TMEM132E: variants seen among roughly 807,000 people sequenced by gnomAD.
TMEM132E encodes the protein transmembrane protein 132E.
TMEM132E carries 49 observed loss-of-function variants against 78.5 expected under a neutral mutation model. The ratio of observed to expected loss-of-function variants is 0.62; its 90% CI spans 0.50 to 0.79. The LOEUF (loss-of-function observed/expected upper bound fraction) is 0.79, where lower values mean the gene tolerates loss of function less well. TMEM132E is among the 30% of genes least tolerant of loss of function. The probability of loss-of-function intolerance (pLI) is 0.00; values close to 1 mark genes in which losing one functional copy is unlikely to be tolerated. For synonymous variants in TMEM132E, 715 were observed against 670.6 expected, an observed-to-expected ratio of 1.07 and a Z score of -1.02; for missense variants, 1,403 against 1,470.9, an observed-to-expected ratio of 0.95 and a Z score of 0.75.
At chr17:34,603,690 G>T (rs575788831) in intron 1 of TMEM132E, among the ~76,000 whole-genome samples, 25 of 152,128 alleles carry the variant, frequency 1.6e-4, no homozygotes, top group Non-Finnish European at 1.5e-5. Flanking sequence ...TTCCCCCTGG[G>T]TGTTCCTGTC....
chr17:34,585,659 C>T (rs905346041), intron 1 of TMEM132E, among the ~76,000 whole-genome samples: 6 of 152,232 alleles, frequency 3.9e-5, no homozygotes, highest in Admixed American at 6.5e-5. Flanking sequence ...GATTCCATCA[C>T]CTCTACTATC....
At chr17:34,624,954 T>C (rs985607574) in intron 1 of TMEM132E, among the ~76,000 whole-genome samples, 1 of 152,074 alleles carries the variant, frequency 6.6e-6, no homozygotes, top group Non-Finnish European at 1.5e-5. Flanking sequence ...ACTCGGGAGG[T>C]TCTTGGGGAG....
intron 1 of TMEM132E, among the ~76,000 whole-genome samples, chr17:34,598,630 A>T (rs1219748736): frequency 6.6e-6 from 1 of 152,048 alleles, no homozygotes; most frequent in Non-Finnish European, 1.5e-5. Context: ...TCCTCCCTGC[A>T]CTCCCTTTGA....
At chr17:34,620,491 A>G (rs936308802) in intron 1 of TMEM132E, among the ~76,000 whole-genome samples, 2 of 152,232 alleles carry the variant, frequency 1.3e-5, no homozygotes, top group African/African-American at 4.8e-5. Flanking sequence ...GTGTACACCA[A>G]TATCCCAGTT....
rs1413783929 is a variant in TMEM132E, at chr17:34,579,833, C to A, written c.-1244C>A. The A allele has an allele frequency of 6.6e-6, 1 of 152,224 alleles. No individual in the cohort carries two copies. The highest frequency in any genetic ancestry group is 2.4e-5 in the African/African-American group (1 of 41,456). 9.4% of individuals were successfully genotyped at this position (152,224 alleles called of 1,614,324 possible). On this transcript the variant is annotated 5_prime_UTR_variant, in exon 1 of 9. Coordinates refer to ENST00000631683, the MANE Select transcript of TMEM132E (RefSeq NM_001304438.2). ...TGCCGGCTGCCCTGGCCCCTGGCGC[C>A]GCGCCCGCGTCTCACCGCCCGCAGC...
chr17:34,627,467 C>CGTGTGCGTGT (rs146318983), intron 2 of TMEM132E, among the ~76,000 whole-genome samples: 5 of 126,470 alleles, frequency 4.0e-5, no homozygotes, highest in African/African-American at 1.5e-4. Context: ...CCAAAAGAAT[C>CGTGTGCGTGT]GTGTGTGTGT....
At chr17:34,603,751 T>A (rs1273428501) in intron 1 of TMEM132E, among the ~76,000 whole-genome samples, 3 of 152,190 alleles carry the variant, frequency 2.0e-5, no homozygotes, top group Non-Finnish European at 4.4e-5. Context: ...TCCTCTGCAG[T>A]GCCTGCCACC....
intron 1 of TMEM132E, among the ~76,000 whole-genome samples, chr17:34,592,703 TCC>T (rs1905915926): frequency 6.6e-6 from 1 of 152,226 alleles, no homozygotes; most frequent in Non-Finnish European, 1.5e-5. Flanking sequence ...AGTTATGCAC[TCC>T]GCCTGACACT....
intron 1 of TMEM132E, among the ~76,000 whole-genome samples, chr17:34,610,933 G>C (rs1352714575): frequency 6.6e-6 from 1 of 152,214 alleles, no homozygotes; most frequent in East Asian, 1.9e-4. Flanking sequence ...GTGGATGTGT[G>C]ATTTAGTGTG....
chr17:34,629,816 G>A (rs1431201664), intron 4 of TMEM132E, among the ~76,000 whole-genome samples, 192 bp from the exon 5 acceptor site: 2 of 152,150 alleles, frequency 1.3e-5, no homozygotes, highest in Admixed American at 1.3e-4. Flanking sequence ...AAAAGCCCGA[G>A]TGAGCAGACC....
intron 1 of TMEM132E, among the ~76,000 whole-genome samples, chr17:34,581,689 C>T (rs1905488668): frequency 6.6e-6 from 1 of 151,968 alleles, no homozygotes; most frequent in Non-Finnish European, 1.5e-5. Context: ...GTCCTGTGAG[C>T]TGCATCTAAA....
At chr17:34,592,835 T>G (rs938279565) in intron 1 of TMEM132E, among the ~76,000 whole-genome samples, 6 of 152,046 alleles carry the variant, frequency 3.9e-5, no homozygotes, top group African/African-American at 1.2e-4. Context: ...GTCCCCCACC[T>G]CCCCACATTC....
chr17:34,625,162 G>A (rs148466874), intron 1 of TMEM132E, among the ~76,000 whole-genome samples: 60 of 152,332 alleles, frequency 3.9e-4, no homozygotes, highest in Non-Finnish European at 5.7e-4. Flanking sequence ...GTGGTATGTC[G>A]TCATAGCGAC....
Position 34,638,024 on chromosome 17 carries a change from C to A in TMEM132E, c.3017C>A (p.Pro1006His). 1 of 1,577,164 alleles carries A rather than the reference C, an allele frequency of 6.3e-7. No homozygotes were observed. Among genetic ancestry groups the A allele is most frequent in the East Asian group, 2.3e-5 (1 of 43,148 alleles). Residue 1006 changes from proline to histidine, a missense_variant, in exon 9 of 9, where the codon CCC becomes CAC. Around this residue, in one of 3 missense-constraint regions of TMEM132E, gnomAD observed 888 missense variants for 952.8 expected, o/e 0.93. Coordinates refer to ENST00000631683, the MANE Select transcript of TMEM132E (RefSeq NM_001304438.2). ...CAAGCCGAGGACCCCGCCAGCTCGC[C>A]CACCTCCAAGCGCAAGCGGGTCAAG... The part of the protein sequence containing the change: ...RDQAEDPASS[P>H]TSKRKRVKFT...
At chr17:34,607,307 G>A (rs1204314631) in intron 1 of TMEM132E, among the ~76,000 whole-genome samples, 2 of 152,244 alleles carry the variant, frequency 1.3e-5, no homozygotes, top group African/African-American at 4.8e-5. Context: ...AGGGGAGACA[G>A]ACATGGCAAC....
At chr17:34,610,211 CCT>C (rs1302604659) in intron 1 of TMEM132E, among the ~76,000 whole-genome samples, 2 of 152,228 alleles carry the variant, frequency 1.3e-5, no homozygotes, top group Non-Finnish European at 2.9e-5. Flanking sequence ...GTCTGATCTC[CCT>C]GTTAGCCGGC....
Position 34,637,522 on chromosome 17 carries a change from G to T in TMEM132E, c.2515G>T (p.Ala839Ser), listed in dbSNP as rs772406178. The T allele has an allele frequency of 3.1e-6, 5 of 1,601,392 alleles. No homozygotes were observed. Among genetic ancestry groups the T allele is most frequent in the African/African-American group, 1.3e-5 (1 of 74,762 alleles). ...AGGGCCCGGCGGGGGCGAGGACGAG[G>T]CCCGGGGAGCTGGCCCGCCGGGCTC... is the stretch of plus-strand genomic sequence containing the variant. ...QPGPGGGEDE[A>S]RGAGPPGSAL... The change falls in exon 9 of 9, where the codon GCC (alanine) becomes TCC (serine). Residue 839 changes from alanine (A) to serine (S), a missense_variant. Physicochemically the swap from Ala to Ser is moderately conservative, Grantham distance 99. Around this residue, in one of 3 missense-constraint regions of TMEM132E, gnomAD observed 888 missense variants for 952.8 expected, o/e 0.93. Transcript: ENST00000631683.
rs749658557 is a variant in TMEM132E at position 34,626,136 on chromosome 17, G to C, written c.77G>C (p.Arg26Pro). Residue 26 changes from arginine (R) to proline (P), a missense_variant, in exon 2 of 9, where the codon CGC (arginine) becomes CCC (proline). By Grantham distance (103) the Arg-to-Pro change is moderately radical (BLOSUM62 -2). Transcript: ENST00000631683. The part of the protein sequence containing the change: ...LSALLAHASG[R>P]SHPASPSPPG... ...CTCTGTCTGTCCCCAGCCTCTGGCC[G>C]CTCCCACCCGGCCAGCCCCAGCCCG... is the stretch of plus-strand genomic sequence containing the variant. The C allele has an allele frequency of 6.6e-7, 1 of 1,519,326 alleles. No homozygotes were observed. Among genetic ancestry groups the C allele is most frequent in the African/African-American group, 1.4e-5 (1 of 72,300 alleles). The allele number at this position is 1,519,326 out of a possible 1,614,324, so 94.1% of individuals were successfully genotyped here.
rs368270614 is a variant in TMEM132E, at chr17:34,628,605, A to T, written c.1041A>T (p.Ser347=). ...KKGVTLLGTK[S]RSGQWHVTSE... is the part of the protein sequence containing the mutation. The stretch of plus-strand genomic sequence containing the variant: ...GTGTGACCCTTTTAGGTACCAAGTC[A>T]CGGAGTGGCCAGTGGCATGTGACCT... The change falls in exon 3 of 9, where the codon TCA becomes TCT. Residue 347 remains serine, a synonymous_variant. Coordinates refer to ENST00000631683, the MANE Select transcript of TMEM132E (RefSeq NM_001304438.2). 2.5e-6 allele frequency: 4 copies of T among 1,613,842 alleles called. No homozygotes were observed. The highest frequency in any genetic ancestry group is 3.4e-6 in the Non-Finnish European group (4 of 1,179,980).
Sources: gnomAD v4.1 joint callset for allele counts (sites outside exome capture counted in the v4.1 genomes callset) on GRCh38, gnomAD v4.1.1 for gene constraint, gnomAD v4.1.1 regional missense constraint, MANE v1.5 for transcripts, NCBI Gene and HGNC (gene_info 2026-07-23, HGNC 2026-07-21) for gene names.